The following PPARGC1A variants were observed in gnomAD, a reference collection of about 807,000 sequenced individuals.
PPARGC1A encodes the protein peroxisome proliferator-activated receptor gamma coactivator 1-alpha.
In PPARGC1A, 25 loss-of-function variants were observed where a neutral mutation model predicts 88.7. The ratio of observed to expected loss-of-function variants is 0.28; its 90% CI spans 0.21 to 0.39. PPARGC1A has a LOEUF of 0.39. Ranked by LOEUF, PPARGC1A falls within the 10% of genes least tolerant of loss-of-function variation. The probability of loss-of-function intolerance (pLI) is 1.00; values close to 1 mark genes in which losing one functional copy is unlikely to be tolerated. For missense variants in PPARGC1A, 880 were observed against 968.7 expected, an observed-to-expected ratio of 0.91 and a Z score of 1.22; for synonymous variants, 363 against 355.6, an observed-to-expected ratio of 1.02 and a Z score of -0.24.
At chr4:24,157,420 T>A in the PPARGC1A span, among the ~76,000 whole-genome samples, 1 of 152,166 alleles carries the variant, frequency 6.6e-6, no homozygotes, top group Admixed American at 6.5e-5. Context: ...CCAAACATCT[T>A]CTCAACTCCG....
intron 10 of PPARGC1A, among the ~76,000 whole-genome samples, chr4:23,809,507 A>G (rs1469517876): frequency 1.3e-5 from 2 of 152,178 alleles, no homozygotes; most frequent in African/African-American, 4.8e-5. Flanking sequence ...GAGACTTAGT[A>G]TAAGCTATAG....
At chr4:23,924,312 C>A in the PPARGC1A span, among the ~76,000 whole-genome samples, 2 of 152,296 alleles carry the variant, frequency 1.3e-5, no homozygotes, top group East Asian at 1.9e-4. Flanking sequence ...AGGAACGGAA[C>A]AATTAGTGTT....
At chr4:24,159,799 C>T in the PPARGC1A span, among the ~76,000 whole-genome samples, 1 of 152,126 alleles carries the variant, frequency 6.6e-6, no homozygotes, top group Non-Finnish European at 1.5e-5. Context: ...TCTTAGAGGG[C>T]AAGCTTTGGC....
chr4:24,113,951 C>T, the PPARGC1A span, among the ~76,000 whole-genome samples: 2 of 151,936 alleles, frequency 1.3e-5, no homozygotes, highest in Admixed American at 6.6e-5. Flanking sequence ...TGGCAAAACG[C>T]CGTCTCTACT....
the PPARGC1A span, among the ~76,000 whole-genome samples, chr4:24,199,316 G>A: frequency 1.3e-5 from 2 of 152,052 alleles, no homozygotes; most frequent in Non-Finnish European, 2.9e-5. Flanking sequence ...ACCTGAACTT[G>A]GTACATGTCA....
At chr4:23,921,257 G>A in the PPARGC1A span, among the ~76,000 whole-genome samples, 94,021 of 152,068 alleles carry the variant, frequency 0.62, 29,581 homozygotes, top group Non-Finnish European at 0.68. Context: ...TCTTGTCCTC[G>A]GATAACCAAG....
the PPARGC1A span, among the ~76,000 whole-genome samples, chr4:24,141,201 C>G: frequency 6.6e-6 from 1 of 152,210 alleles, no homozygotes; most frequent in Non-Finnish European, 1.5e-5. Flanking sequence ...CAAAATGATG[C>G]CTTCTATGGC....
the PPARGC1A span, among the ~76,000 whole-genome samples, chr4:24,432,655 T>C: frequency 6.6e-6 from 1 of 152,162 alleles, no homozygotes; most frequent in Non-Finnish European, 1.5e-5. Context: ...CACAGTTAGC[T>C]CCAGTCTTAG....
At chr4:24,339,191 CAT>C in the PPARGC1A span, among the ~76,000 whole-genome samples, 6,934 of 102,932 alleles carry the variant, frequency 0.067, 271 homozygotes, top group Non-Finnish European at 0.097. Flanking sequence ...AAGGTTCATC[CAT>C]GTGTGTGTGT....
the PPARGC1A span, among the ~76,000 whole-genome samples, chr4:24,346,238 T>C: frequency 0.03 from 4,522 of 152,216 alleles, 372 homozygotes; most frequent in East Asian, 0.21. Flanking sequence ...AGTTTGTAGT[T>C]TTCTTTTTTG....
chr4:24,395,167 C>T, the PPARGC1A span, among the ~76,000 whole-genome samples: 84 of 151,846 alleles, frequency 5.5e-4, no homozygotes, highest in Non-Finnish European at 6.0e-4. Flanking sequence ...TTGTATTTTT[C>T]AATATGTAAA....
the PPARGC1A span, among the ~76,000 whole-genome samples, chr4:24,344,600 T>TG: frequency 0.19 from 28,703 of 151,464 alleles, 2,865 homozygotes; most frequent in South Asian, 0.23. Context: ...TGGGATTGTT[T>TG]GTTTTTTTTT....
the PPARGC1A span, among the ~76,000 whole-genome samples, chr4:24,338,005 C>A: frequency 1.3e-5 from 2 of 152,152 alleles, no homozygotes; most frequent in African/African-American, 4.8e-5. Context: ...GGTCTGAACT[C>A]CCCTCTTCTC....
At chr4:24,067,434 A>G in the PPARGC1A span, among the ~76,000 whole-genome samples, 2 of 152,192 alleles carry the variant, frequency 1.3e-5, no homozygotes. Context: ...TCTCTCAAAT[A>G]TACTTCCAGT....
the PPARGC1A span, among the ~76,000 whole-genome samples, chr4:24,163,523 C>T: frequency 3.5e-3 from 534 of 152,078 alleles, 1 homozygote; most frequent in Non-Finnish European, 6.0e-3. Context: ...CTGACCTTTC[C>T]GAAAATTAAG....
At chr4:24,319,411 T>G in the PPARGC1A span, among the ~76,000 whole-genome samples, 3 of 152,190 alleles carry the variant, frequency 2.0e-5, no homozygotes, top group South Asian at 2.1e-4. Context: ...AGATGAGAGT[T>G]GCTTCATTAT....
intron 2 of PPARGC1A, among the ~76,000 whole-genome samples, chr4:23,853,407 ACTTC>A (rs753232837): frequency 6.6e-6 from 1 of 151,986 alleles, no homozygotes; most frequent in African/African-American, 2.4e-5. Context: ...GAAAATAAAG[ACTTC>A]CTAAGTTACA....
the PPARGC1A span, among the ~76,000 whole-genome samples, chr4:24,171,754 T>C: frequency 2.0e-5 from 3 of 152,374 alleles, no homozygotes; most frequent in African/African-American, 7.2e-5. Flanking sequence ...GATGTACTTA[T>C]GGCATTCCAT....
At chr4:24,274,095 T>C in the PPARGC1A span, among the ~76,000 whole-genome samples, 2 of 152,086 alleles carry the variant, frequency 1.3e-5, no homozygotes, top group African/African-American at 4.8e-5. Context: ...AGATAAAAGT[T>C]CCATACATTT....
Sources: allele counts gnomAD v4.1 joint callset (sites outside exome capture counted in the v4.1 genomes callset), GRCh38; gene constraint gnomAD v4.1.1; transcripts MANE v1.5; gene names NCBI Gene and HGNC (gene_info 2026-07-23, HGNC 2026-07-21).